The following DTNA variants were observed in gnomAD, a reference collection of about 807,000 sequenced individuals.
DTNA encodes the protein dystrophin-related protein 3.
A neutral mutation model predicts 100.7 loss-of-function variants in DTNA; 43 were observed. The observed-to-expected ratio is 0.43, with a 90% CI of 0.33 to 0.55. DTNA has a LOEUF of 0.55. Among genes scored for constraint, DTNA ranks in the 20% least tolerant of loss-of-function variants. The probability of loss-of-function intolerance (pLI) is 0.04; values close to 1 mark genes in which losing one functional copy is unlikely to be tolerated. For synonymous variants in DTNA, 349 were observed against 347.9 expected, an observed-to-expected ratio of 1.00 and a Z score of -0.04; for missense variants, 798 against 953.9, an observed-to-expected ratio of 0.84 and a Z score of 2.15.
At chr18:34,755,556 A>C (rs148792891) in intron 1 of DTNA, 6 of 217,160 alleles carry the variant, frequency 2.8e-5, no homozygotes, top group African/African-American at 1.2e-4. Context: ...TGCATCCTTC[A>C]TTCACCAAGT....
chr18:34,517,274 A>C (rs1426984632), intron 1 of DTNA, among the ~76,000 whole-genome samples: 1 of 152,156 alleles, frequency 6.6e-6, no homozygotes, highest in African/African-American at 2.4e-5. Flanking sequence ...TGTGTTTAAA[A>C]ACTTTATTTT....
rs530901603 is a variant in DTNA, at chr18:34,692,923, A to G, written c.-1-63053A>G. ...AATATCTATGACTAATTATAAACGAATTTCTTTAGAATGCAAAAAAATTTC... is the reference window on the plus strand; with the variant it reads ...AATATCTATGACTAATTATAAACGAGTTTCTTTAGAATGCAAAAAAATTTC... On this transcript the variant is annotated intron_variant, in intron 1 of 19. Transcript: ENST00000283365. 5.9e-5 allele frequency among the ~76,000 whole-genome samples: 9 copies of G among 152,238 alleles called. No homozygotes were observed. In the East Asian group the frequency reaches 1.5e-3, roughly 26 times the overall value.
At chr18:34,506,643 CT>C (rs2040521979) in intron 1 of DTNA, among the ~76,000 whole-genome samples, 1 of 152,042 alleles carries the variant, frequency 6.6e-6, no homozygotes, top group Non-Finnish European at 1.5e-5. Context: ...TGTTGGCACC[CT>C]TTTAAAAGTT....
At chr18:34,874,129 C>T (rs553805787) in intron 17 of DTNA, among the ~76,000 whole-genome samples, 1 of 152,146 alleles carries the variant, frequency 6.6e-6, no homozygotes, top group Admixed American at 6.5e-5. Context: ...GTGTTTTAAC[C>T]ACAAGCCACT....
chr18:34,675,114 A>G (rs929161205), intron 1 of DTNA, among the ~76,000 whole-genome samples: 3 of 152,090 alleles, frequency 2.0e-5, no homozygotes, highest in African/African-American at 7.2e-5. Context: ...GGGTTCCTCA[A>G]CCTGGGTACT....
chr18:34,780,721 C>T (rs2094281688), intron 3 of DTNA, among the ~76,000 whole-genome samples: 1 of 152,166 alleles, frequency 6.6e-6, no homozygotes, highest in South Asian at 2.1e-4. Context: ...AGGATCAGTG[C>T]TTAGTCTGTT....
At chr18:34,631,759 G>T (rs2058104626) in intron 1 of DTNA, among the ~76,000 whole-genome samples, 1 of 152,168 alleles carries the variant, frequency 6.6e-6, no homozygotes, top group Admixed American at 6.5e-5. Context: ...CAAAGAGTCT[G>T]TTTACACTCC....
At chr18:34,866,186 C>T (rs200632760) in intron 17 of DTNA, 96 of 1,613,998 alleles carry the variant, frequency 5.9e-5, no homozygotes, top group Non-Finnish European at 1.8e-5. Flanking sequence ...GCCTGCCGAC[C>T]TGCGGTTTTC....
intron 1 of DTNA, among the ~76,000 whole-genome samples, chr18:34,592,251 ATG>A (rs1380547554): frequency 6.6e-6 from 1 of 152,132 alleles, no homozygotes; most frequent in Non-Finnish European, 1.5e-5. Flanking sequence ...GTAGAATTGC[ATG>A]TTTTGAACAT....
chr18:34,586,125 A>G (rs945888571), intron 1 of DTNA, among the ~76,000 whole-genome samples: 27 of 152,196 alleles, frequency 1.8e-4, no homozygotes, highest in African/African-American at 6.3e-4. Flanking sequence ...TCCTTTGAAG[A>G]AAAGGTTCCA....
chr18:34,531,123 A>G (rs1424142971), intron 1 of DTNA, among the ~76,000 whole-genome samples: 1 of 152,132 alleles, frequency 6.6e-6, no homozygotes, highest in African/African-American at 2.4e-5. Flanking sequence ...CACAATATTA[A>G]AAGTGAAAAT....
intron 3 of DTNA, among the ~76,000 whole-genome samples, chr18:34,786,065 C>T (rs1309710098): frequency 1.3e-5 from 2 of 152,214 alleles, no homozygotes; most frequent in East Asian, 3.8e-4. Flanking sequence ...GCCTGGCCCA[C>T]ATGTGAGCTC....
intron 1 of DTNA, among the ~76,000 whole-genome samples, chr18:34,614,312 A>T (rs563467254): frequency 6.6e-6 from 1 of 152,334 alleles, no homozygotes; most frequent in African/African-American, 2.4e-5. Context: ...AATGAGATTC[A>T]TGTCGTTTTC....
chr18:34,746,940 C>T (rs1383190185), intron 1 of DTNA, among the ~76,000 whole-genome samples: 1 of 152,040 alleles, frequency 6.6e-6, no homozygotes, highest in Non-Finnish European at 1.5e-5. Context: ...CCTTAAGCAA[C>T]TTGTACAGTC....
intron 1 of DTNA, among the ~76,000 whole-genome samples, chr18:34,501,772 T>G (rs943793118): frequency 4.6e-5 from 7 of 152,254 alleles, no homozygotes; most frequent in Admixed American, 3.9e-4. Context: ...ATATTTGGTT[T>G]CTTCTGAGGC....
chr18:34,887,650 T>A (rs2150496545), intron 22 of DTNA, 116 bp from the exon 23 acceptor site: 1 of 705,420 alleles, frequency 1.4e-6, no homozygotes, highest in African/African-American at 1.9e-5. Context: ...CATGTGTGTG[T>A]GTGTGTGCGC....
In DTNA at chr18:34,593,879, G is replaced by A. The variant is rs2050041387; in HGVS notation, c.-2+100365G>A. ...TGCTACTGTGTCTATTATGCCATTG[G>A]ATGAAACTATATTATTGTGAGATGG... On this transcript the variant is annotated intron_variant, in intron 1 of 19. Transcript: ENST00000283365. 3.3e-5 allele frequency among the ~76,000 whole-genome samples: 5 copies of A among 152,004 alleles called. No homozygotes were observed. In the South Asian group the frequency reaches 1.0e-3, roughly 32 times the overall value.
chr18:34,510,150 G>A (rs2040908910), intron 1 of DTNA, among the ~76,000 whole-genome samples: 1 of 151,068 alleles, frequency 6.6e-6, no homozygotes, highest in African/African-American at 2.4e-5. Context: ...TCACAGGTGG[G>A]AGAAGGTGAC....
At chr18:34,764,796 C>T (rs1312623019) in intron 2 of DTNA, among the ~76,000 whole-genome samples, 1 of 152,162 alleles carries the variant, frequency 6.6e-6, no homozygotes, top group Non-Finnish European at 1.5e-5. Context: ...ATTCACATAG[C>T]ACATTTTATT....
Sources: allele counts gnomAD v4.1 joint callset (sites outside exome capture counted in the v4.1 genomes callset), GRCh38; gene constraint gnomAD v4.1.1; transcripts MANE v1.5; gene names NCBI Gene and HGNC (gene_info 2026-07-23, HGNC 2026-07-21).